Variants in MAST4 observed in about 807,000 individuals in gnomAD.
MAST4 encodes microtubule associated serine/threonine kinase family member 4.
A neutral mutation model predicts 162.7 loss-of-function variants in MAST4; 89 were observed. The ratio of observed to expected loss-of-function variants is 0.55; its 90% CI spans 0.46 to 0.65. The LOEUF (loss-of-function observed/expected upper bound fraction) is 0.65, where lower values mean the gene tolerates loss of function less well. Among genes scored for constraint, MAST4 ranks in the 30% least tolerant of loss-of-function variants. The pLI is 0.00. For synonymous variants in MAST4, 1,479 were observed against 1,361.1 expected, an observed-to-expected ratio of 1.09 and a Z score of -1.91; for missense variants, 3,153 against 3,374.0, an observed-to-expected ratio of 0.93 and a Z score of 1.62.
chr5:66,616,289 G>A (rs555185859), intron 1 of MAST4, among the ~76,000 whole-genome samples: 143 of 152,266 alleles, frequency 9.4e-4, no homozygotes, highest in African/African-American at 3.2e-3. Flanking sequence ...TACCTCCCAA[G>A]CAGCCCCTAC....
At chr5:66,930,595 G>T (rs565313391) in intron 4 of MAST4, among the ~76,000 whole-genome samples, 12 of 152,250 alleles carry the variant, frequency 7.9e-5, no homozygotes, top group African/African-American at 2.4e-4. Flanking sequence ...ATATGAGGAA[G>T]AATTAGGAAG....
At chr5:67,019,743 CATGGACTAAAATAT>C (rs1753745187) in intron 4 of MAST4, among the ~76,000 whole-genome samples, 1 of 152,138 alleles carries the variant, frequency 6.6e-6, no homozygotes, top group African/African-American at 2.4e-5. Flanking sequence ...AGAACCCTGT[CATGGACTAAAATAT>C]ATGGACATCT....
At chr5:66,817,008 C>T (rs1465280338) in intron 3 of MAST4, among the ~76,000 whole-genome samples, 1 of 152,186 alleles carries the variant, frequency 6.6e-6, no homozygotes, top group Non-Finnish European at 1.5e-5. Flanking sequence ...ACCCTCTACC[C>T]ACCCTTCTGA....
At chr5:66,751,226 AAAAGC>A (rs1753143756) in intron 1 of MAST4, among the ~76,000 whole-genome samples, 1 of 152,170 alleles carries the variant, frequency 6.6e-6, no homozygotes, top group South Asian at 2.1e-4. Context: ...GGAAACTCTA[AAAAGC>A]AGAGCGCCTC....
At chr5:67,094,181 AT>A in intron 6 of MAST4, 1 of 1,483,058 alleles carries the variant, frequency 6.7e-7, no homozygotes, top group Non-Finnish European at 9.2e-7. Flanking sequence ...TTTTACTAAA[AT>A]CTTAACATTG....
intron 10 of MAST4, among the ~76,000 whole-genome samples, chr5:67,104,869 C>G (rs1561658145): frequency 6.6e-6 from 1 of 152,156 alleles, no homozygotes; most frequent in Non-Finnish European, 1.5e-5. Flanking sequence ...TTTTTTCCCC[C>G]TTTAACCATA....
chr5:66,884,326 C>T (rs1448316786), intron 3 of MAST4, among the ~76,000 whole-genome samples: 1 of 152,126 alleles, frequency 6.6e-6, no homozygotes, highest in Non-Finnish European at 1.5e-5. Flanking sequence ...TTATTGGATC[C>T]AGAACCTTTT....
intron 1 of MAST4, among the ~76,000 whole-genome samples, chr5:66,673,229 C>G (rs1321756084): frequency 6.6e-6 from 1 of 152,046 alleles, no homozygotes; most frequent in Non-Finnish European, 1.5e-5. Flanking sequence ...TCTGCTTACA[C>G]TTTCTCAGCT....
At chr5:66,788,605 C>CCCCA in intron 2 of MAST4, 65 bp from the exon 3 acceptor site, 3 of 1,344,528 alleles carry the variant, frequency 2.2e-6, no homozygotes, top group Non-Finnish European at 3.1e-6. Flanking sequence ...CACCCCCACC[C>CCCCA]CCATTGCAAT....
At chr5:67,051,662 A>T (rs1758199382) in intron 4 of MAST4, among the ~76,000 whole-genome samples, 2 of 152,144 alleles carry the variant, frequency 1.3e-5, no homozygotes, top group Admixed American at 1.3e-4. Context: ...AGAATATCTC[A>T]GTAGGGTCCT....
intron 1 of MAST4, chr5:66,662,799 A>T (rs1431412550): frequency 6.6e-6 from 1 of 152,132 alleles, no homozygotes; most frequent in South Asian, 2.1e-4. Context: ...ATTTATTGAT[A>T]GTCCCTTAAA....
At chr5:66,809,537 A>G (rs75701745) in intron 3 of MAST4, among the ~76,000 whole-genome samples, 7,293 of 152,270 alleles carry the variant, frequency 0.048, 262 homozygotes, top group South Asian at 0.13. Flanking sequence ...ATATATGAGA[A>G]AGGAAAAGGT....
At chr5:66,668,651 G>A (rs754109340) in intron 1 of MAST4, among the ~76,000 whole-genome samples, 4 of 152,230 alleles carry the variant, frequency 2.6e-5, no homozygotes, top group East Asian at 1.9e-4. Flanking sequence ...GTGTTAATTC[G>A]TGTAAAGTGT....
At chr5:66,682,668 C>T (rs1282278341) in intron 1 of MAST4, among the ~76,000 whole-genome samples, 4 of 152,254 alleles carry the variant, frequency 2.6e-5, no homozygotes, top group East Asian at 1.9e-4. Context: ...TAGAGAGTGC[C>T]GTTGGTAGCA....
intron 4 of MAST4, among the ~76,000 whole-genome samples, chr5:66,908,185 G>C (rs1763513088): frequency 6.6e-6 from 1 of 152,238 alleles, no homozygotes; most frequent in South Asian, 2.1e-4. Flanking sequence ...CGAATAGCCA[G>C]TTTGGTATTT....
chr5:66,874,518 G>A (rs1366336324), intron 3 of MAST4, among the ~76,000 whole-genome samples: 1 of 152,174 alleles, frequency 6.6e-6, no homozygotes, highest in Non-Finnish European at 1.5e-5. Flanking sequence ...ATGAGATTTT[G>A]AGTATGTGAG....
At chr5:67,061,741 C>T (rs541716747) in intron 5 of MAST4, among the ~76,000 whole-genome samples, 16 of 151,038 alleles carry the variant, frequency 1.1e-4, no homozygotes, top group East Asian at 9.7e-4. Flanking sequence ...GCACCAGTGA[C>T]GCATTTCTTT....
chr5:67,106,642 A>T (rs1765629971), intron 10 of MAST4, among the ~76,000 whole-genome samples: 1 of 152,156 alleles, frequency 6.6e-6, no homozygotes, highest in African/African-American at 2.4e-5. Flanking sequence ...TCATACTTTT[A>T]TGCAGCTGCA....
At chr5:66,719,724 C>T (rs1015907973) in intron 1 of MAST4, among the ~76,000 whole-genome samples, 6 of 152,106 alleles carry the variant, frequency 3.9e-5, no homozygotes, top group Non-Finnish European at 8.8e-5. Context: ...GTTCCCCACC[C>T]CCTGCTTTTC....
Sources: gnomAD v4.1 joint callset for allele counts (sites outside exome capture counted in the v4.1 genomes callset) on GRCh38, gnomAD v4.1.1 for gene constraint, MANE v1.5 for transcripts, NCBI Gene and HGNC (gene_info 2026-07-23, HGNC 2026-07-21) for gene names.